The following WDPCP variants were observed in gnomAD, a reference collection of about 807,000 sequenced individuals.
WDPCP encodes the protein WD repeat-containing and planar cell polarity effector protein fritz homolog.
WDPCP carries 71 observed loss-of-function variants against 93.1 expected under a neutral mutation model. That is an observed-to-expected ratio of 0.76 (90% confidence interval 0.63 to 0.93). The LOEUF (loss-of-function observed/expected upper bound fraction) is 0.93. Ranked by LOEUF, WDPCP falls within the 40% of genes least tolerant of loss-of-function variation. The pLI is 0.00. For missense variants in WDPCP, 844 were observed against 887.4 expected (o/e 0.95, Z 0.62); for synonymous variants, 315 against 315.0 (o/e 1.00, Z 0.00).
intron 15 of WDPCP, among the ~76,000 whole-genome samples, chr2:63,158,329 T>C (rs10203623): frequency 0.02 from 3,066 of 152,308 alleles, 108 homozygotes; most frequent in African/African-American, 0.07. Flanking sequence ...GATGCAGTCT[T>C]CAAATGCAAA....
At chr2:63,215,110 T>C (rs570267176) in intron 14 of WDPCP, among the ~76,000 whole-genome samples, 2 of 152,172 alleles carry the variant, frequency 1.3e-5, no homozygotes, top group East Asian at 1.9e-4. Context: ...CCTCACAGAA[T>C]TGGAAAAAAC....
chr2:63,769,987 C>T (rs1040545214), intron 2 of WDPCP, among the ~76,000 whole-genome samples: 2 of 151,690 alleles, frequency 1.3e-5, no homozygotes, highest in Non-Finnish European at 2.9e-5. Context: ...TAGAGTCCCC[C>T]CAAGACAAAT....
intron 3 of WDPCP, among the ~76,000 whole-genome samples, chr2:63,613,792 C>T (rs1709644317): frequency 6.6e-6 from 1 of 152,158 alleles, no homozygotes; most frequent in South Asian, 2.1e-4. Flanking sequence ...CTTATTTCTA[C>T]CCCAAACCCC....
chr2:63,178,506 T>C (rs938191321), intron 14 of WDPCP, among the ~76,000 whole-genome samples: 1 of 152,206 alleles, frequency 6.6e-6, no homozygotes, highest in Admixed American at 6.5e-5. Context: ...CTGTTTGTAA[T>C]ATTCTCTTAC....
intron 14 of WDPCP, among the ~76,000 whole-genome samples, chr2:63,190,951 G>T (rs1308627527): frequency 2.0e-5 from 3 of 152,156 alleles, no homozygotes; most frequent in African/African-American, 7.2e-5. Flanking sequence ...TTGAATTATT[G>T]CTCGGAAGCA....
chr2:63,264,811 T>C (rs544834401), intron 13 of WDPCP, among the ~76,000 whole-genome samples: 6 of 152,324 alleles, frequency 3.9e-5, no homozygotes, highest in Admixed American at 2.0e-4. Flanking sequence ...CTTCAGAACA[T>C]ATGATATGCT....
At chr2:63,272,757 C>T (rs1482926406) in intron 13 of WDPCP, among the ~76,000 whole-genome samples, 1 of 152,112 alleles carries the variant, frequency 6.6e-6, no homozygotes, top group Non-Finnish European at 1.5e-5. Flanking sequence ...AGTTTTGACA[C>T]CATAAATCTA....
intron 13 of WDPCP, among the ~76,000 whole-genome samples, chr2:63,263,011 C>G (rs367908423): frequency 6.6e-6 from 1 of 152,162 alleles, no homozygotes; most frequent in Non-Finnish European, 1.5e-5. Context: ...CATTTATTTG[C>G]TGATTCACTT....
At chr2:63,222,414 G>T (rs1001405692) in intron 14 of WDPCP, among the ~76,000 whole-genome samples, 1 of 152,158 alleles carries the variant, frequency 6.6e-6, no homozygotes, top group African/African-American at 2.4e-5. Context: ...CATAGATCAG[G>T]AATGTGGGAG....
At chr2:63,443,101 TA>T (rs1284946229) in intron 6 of WDPCP, 1 of 152,118 alleles carries the variant, frequency 6.6e-6, no homozygotes, top group Non-Finnish European at 1.5e-5. Context: ...CACTTTTTCA[TA>T]AATTCACTCA....
chr2:63,439,625 G>A lies in WDPCP; in HGVS notation c.499+132C>T. ...CTTGTATTGGTCCCAGGGGGTGTAA[G>A]TACGCTATTACAAGCAATTACTTGT... On this transcript the variant is annotated intron_variant, in intron 7 of 17. Coordinates refer to ENST00000272321, the MANE Select transcript of WDPCP (RefSeq NM_015910.7). The A allele has an allele frequency of 6.9e-6, 5 of 729,652 alleles. No homozygotes were observed. The South Asian group carries it at 9.9e-5, about 14-fold the overall frequency. 45.2% of individuals were successfully genotyped at this position (729,652 alleles called of 1,614,324 possible). A position where few individuals can be genotyped will look rare whatever the true frequency, so the allele number is the denominator to read the frequency against.
chr2:63,800,489 T>C (rs975397879), intron 2 of WDPCP, among the ~76,000 whole-genome samples: 1 of 152,192 alleles, frequency 6.6e-6, no homozygotes, highest in African/African-American at 2.4e-5. Context: ...TGTATTTTTT[T>C]CTAATTAAAT....
At chr2:63,346,393 A>C (rs1441249967) in intron 12 of WDPCP, among the ~76,000 whole-genome samples, 1 of 152,178 alleles carries the variant, frequency 6.6e-6, no homozygotes, top group East Asian at 1.9e-4. Context: ...AGACCTATTC[A>C]GCCAATAGGT....
At chr2:63,498,215 C>T (rs1701342788) in intron 1 of WDPCP, among the ~76,000 whole-genome samples, 1 of 152,180 alleles carries the variant, frequency 6.6e-6, no homozygotes, top group Non-Finnish European at 1.5e-5. Flanking sequence ...CTAACTTTTA[C>T]AATTTCCTCT....
chr2:63,810,387 T>C (rs1229227108), intron 2 of WDPCP, among the ~76,000 whole-genome samples: 1 of 152,218 alleles, frequency 6.6e-6, no homozygotes. Flanking sequence ...TATAAAAGTG[T>C]TATAGGTACT....
chr2:63,438,034 A>T (rs1697256386), intron 7 of WDPCP: 1 of 1,264,510 alleles, frequency 7.9e-7, no homozygotes, highest in Non-Finnish European at 1.0e-6. Context: ...TTTTAGGGGT[A>T]TACAAGCTGG....
intron 14 of WDPCP, among the ~76,000 whole-genome samples, chr2:63,237,018 A>T (rs1181194307): frequency 6.6e-6 from 1 of 152,184 alleles, no homozygotes. Flanking sequence ...CTGCACAGCA[A>T]AAGAAACTAT....
intron 2 of WDPCP, among the ~76,000 whole-genome samples, chr2:63,796,065 A>T (rs557453182): frequency 3.9e-4 from 60 of 152,154 alleles, no homozygotes; most frequent in Non-Finnish European, 7.6e-4. Context: ...CTGCTAGAAG[A>T]TTTCTGGTAA....
chr2:63,603,567 T>A lies in WDPCP; in HGVS notation n.488+47092A>T, dbSNP rs532332931. Among the ~76,000 whole-genome samples the A allele has an allele frequency of 3.3e-5, 5 of 152,090 alleles. No individual in the cohort carries two copies. The South Asian group carries it at 6.2e-4, about 19-fold the overall frequency. On this transcript the variant is annotated intron_variant and non_coding_transcript_variant, in intron 3 of 4. Transcript: ENST00000467687. The stretch of plus-strand genomic sequence containing the variant: ...TGTCTAGTTAGGAACAAATTATACA[T>A]ATACCTGATCATAATTTATTTTCTG...
Sources: allele counts gnomAD v4.1 joint callset (sites outside exome capture counted in the v4.1 genomes callset), GRCh38; gene constraint gnomAD v4.1.1; transcripts MANE v1.5; gene names NCBI Gene and HGNC (gene_info 2026-07-23, HGNC 2026-07-21).